The following CDK12 variants were observed in gnomAD, a reference collection of about 807,000 sequenced individuals.
CDK12 encodes cyclin dependent kinase 12.
Under a neutral mutation model 133.8 loss-of-function variants are expected in CDK12, and 17 were observed. The ratio of observed to expected loss-of-function variants is 0.13; its 90% CI spans 0.09 to 0.19. CDK12 has a LOEUF of 0.19. Ranked by LOEUF, CDK12 falls within the 10% of genes least tolerant of loss-of-function variation. The pLI, the probability that CDK12 is intolerant of heterozygous loss-of-function variation, is 1.00. For synonymous variants in CDK12, 694 were observed against 683.6 expected (o/e 1.02, Z -0.24); for missense variants, 1,508 against 1,818.7 (o/e 0.83, Z 3.11).
intron 6 of CDK12, among the ~76,000 whole-genome samples, chr17:39,508,279 C>G (rs2053260745): frequency 6.6e-6 from 1 of 151,908 alleles, no homozygotes; most frequent in Admixed American, 6.6e-5. Context: ...CACTTTTTTG[C>G]CTGATCTGAA....
intron 13 of CDK12, chr17:39,530,320 A>G (rs556655826): frequency 5.3e-4 from 181 of 341,054 alleles, no homozygotes; most frequent in African/African-American, 3.8e-3. Context: ...GCATGTTAGA[A>G]CAGTTCTTTA....
At chr17:39,470,475 C>T (rs1485257207) in intron 1 of CDK12, among the ~76,000 whole-genome samples, 3 of 152,044 alleles carry the variant, frequency 2.0e-5, no homozygotes, top group Non-Finnish European at 4.4e-5. Context: ...TTAAGATTTA[C>T]AGAAAAATTG....
chr17:39,487,599 A>C (rs2051232159), intron 2 of CDK12, among the ~76,000 whole-genome samples: 1 of 145,898 alleles, frequency 6.9e-6, no homozygotes, highest in Non-Finnish European at 1.5e-5. Context: ...GAGGATGTGC[A>C]TGACACAATT....
chr17:39,531,053 C>T lies in CDK12; in HGVS notation c.4210C>T (p.Arg1404Cys), dbSNP rs1172789499. 5 of 1,613,026 alleles carry T rather than the reference C, an allele frequency of 3.1e-6. No homozygotes were observed. The highest frequency in any genetic ancestry group is 4.2e-6 in the Non-Finnish European group (5 of 1,179,640). Reference sequence around the variant, plus strand: ...GCAGTTTCCAGGGGACCAGGACCTCCGTTTTGCCAGGGTCCCCTTAGCGTT... The same window carrying T: ...GCAGTTTCCAGGGGACCAGGACCTCTGTTTTGCCAGGGTCCCCTTAGCGTT... ...SVQFPGDQDL[R>C]FARVPLALHP... Residue 1404 changes from arginine to cysteine, a missense_variant, in exon 14 of 14, where the codon CGT (arginine) becomes TGT (cysteine). Arg to Cys is a radical substitution (Grantham distance 180, BLOSUM62 -3). Coordinates refer to ENST00000447079, the MANE Select transcript of CDK12 (RefSeq NM_016507.4).
intron 8 of CDK12, among the ~76,000 whole-genome samples, chr17:39,514,097 C>T (rs143207939): frequency 3.3e-5 from 5 of 152,072 alleles, no homozygotes; most frequent in African/African-American, 1.2e-4. Flanking sequence ...GATCTCACTA[C>T]GTTGCCCAGC....
At chr17:39,485,141 G>A (rs2051013589) in intron 2 of CDK12, among the ~76,000 whole-genome samples, 1 of 147,372 alleles carries the variant, frequency 6.8e-6, no homozygotes, top group African/African-American at 2.5e-5. Flanking sequence ...CTGCAGTCCA[G>A]CCTGGGCGAC....
In CDK12 at chr17:39,471,728, C is replaced by T. The variant is rs1023520750; in HGVS notation, c.1896C>T (p.Leu632=). Reference sequence around the variant, plus strand: ...CTTCAACGTTGCCTCCTTTGCCCCTCCCACCCTTATTACCTGGAGATGATG... The same window carrying T: ...CTTCAACGTTGCCTCCTTTGCCCCTTCCACCCTTATTACCTGGAGATGATG... ...LKTSTLPPLP[L]PPLLPGDDDM... is the part of the protein sequence containing the mutation. The change falls in exon 2 of 14, where the codon CTC becomes CTT. Residue 632 remains leucine, a synonymous_variant. Coordinates refer to ENST00000447079, the MANE Select transcript of CDK12 (RefSeq NM_016507.4). 1.3e-5 allele frequency: 21 copies of T among 1,613,720 alleles called. No individual in the cohort carries two copies. Among genetic ancestry groups the T allele is most frequent in the Non-Finnish European group, 1.7e-5 (20 of 1,179,802 alleles).
chr17:39,486,574 C>T (rs1430570015), intron 2 of CDK12, among the ~76,000 whole-genome samples: 1 of 152,056 alleles, frequency 6.6e-6, no homozygotes, highest in Non-Finnish European at 1.5e-5. Context: ...CCTGATTTTT[C>T]TTGTTCTTCT....
In CDK12 at chr17:39,463,079, C is replaced by A; in HGVS notation, c.1008C>A (p.Phe336Leu). ...GTCGAAGGCGGTCCAGCAGCCCTTT[C>A]CTGAGCAAGCGGTCTCTGAGTCGGA... ...PYGRRRSSSP[F>L]LSKRSLSRSP... The change falls in exon 1 of 14, where the codon TTC (phenylalanine) becomes TTA (leucine). Residue 336 changes from phenylalanine (F) to leucine (L), a missense_variant. Transcript: ENST00000447079. The A allele has an allele frequency of 1.2e-6, 2 of 1,614,190 alleles. No individual in the cohort carries two copies. Among genetic ancestry groups the A allele is most frequent in the Middle Eastern group, 1.6e-4 (1 of 6,062 alleles).
upstream of CDK12, among the ~76,000 whole-genome samples, chr17:39,547,468 G>T (rs1467137869): frequency 1.3e-5 from 2 of 152,098 alleles, no homozygotes; most frequent in East Asian, 3.9e-4. Flanking sequence ...GGTTTTATGT[G>T]TGCATTTGTT....
In CDK12 at chr17:39,531,998, T is replaced by A. The variant is rs1055593608; in HGVS notation, c.*682T>A. 3 of 233,734 alleles carry A rather than the reference T, an allele frequency of 1.3e-5. No homozygotes were observed. The highest frequency in any genetic ancestry group is 2.5e-5 in the Non-Finnish European group (3 of 118,076). 14.5% of individuals were successfully genotyped at this position (233,734 alleles called of 1,614,324 possible). A position where few individuals can be genotyped will look rare whatever the true frequency, so the allele number is the denominator to read the frequency against. On this transcript the variant is annotated 3_prime_UTR_variant, in exon 14 of 14. Transcript: ENST00000447079. Reference sequence around the variant, plus strand: ...CACTTTGACAAAAGATACGCCCTTCTCCCTGCACATAAAGCAGGTTGTAGA... The same window carrying A: ...CACTTTGACAAAAGATACGCCCTTCACCCTGCACATAAAGCAGGTTGTAGA...
intron 5 of CDK12, among the ~76,000 whole-genome samples, chr17:39,495,017 C>T (rs941353460): frequency 4.6e-5 from 7 of 152,104 alleles, no homozygotes; most frequent in Admixed American, 1.3e-4. Context: ...GTGATCCGCC[C>T]GCCTGGGCCT....
rs887590343 is a variant in CDK12 at position 39,487,607 on chromosome 17, A to ATT, written c.1932-2924_1932-2923dup. 5.1e-3 allele frequency among the ~76,000 whole-genome samples: 493 copies of ATT among 96,372 alleles called. 20 individuals carry two copies. Among genetic ancestry groups the ATT allele is most frequent in the Non-Finnish European group, 7.1e-3 (348 of 48,992 alleles). 63.2% of individuals were successfully genotyped at this position (96,372 alleles called of 152,430 possible). On this transcript the variant is annotated intron_variant, in intron 2 of 13. Transcript: ENST00000447079. ...TTTTTCTGAGGATGTGCATGACACA[A>ATT]TTTTTTTTTTTTTTTTTTTTTTTTT...
intron 2 of CDK12, among the ~76,000 whole-genome samples, chr17:39,473,116 A>G (rs987837748): frequency 6.6e-6 from 1 of 151,972 alleles, no homozygotes; most frequent in African/African-American, 2.4e-5. Flanking sequence ...TATTTAACCA[A>G]ATAGTCCCAG....
At chr17:39,513,143 T>C (rs981866687) in intron 8 of CDK12, among the ~76,000 whole-genome samples, 41 of 152,210 alleles carry the variant, frequency 2.7e-4, no homozygotes, top group African/African-American at 8.2e-4. Context: ...GAAAATGATA[T>C]TTAGAAACTA....
chr17:39,520,155 A>G (rs1320154330), intron 11 of CDK12, 68 bp downstream of exon 11: 5 of 1,560,314 alleles, frequency 3.2e-6, no homozygotes, highest in Non-Finnish European at 4.4e-6. Flanking sequence ...GAAACTCATA[A>G]AAGAACCACA....
Position 39,509,246 on chromosome 17 carries a change from A to G in CDK12, c.2610-459A>G, listed in dbSNP as rs1216340837. 2.0e-5 allele frequency among the ~76,000 whole-genome samples: 3 copies of G among 152,080 alleles called. No homozygotes were observed. The East Asian group carries it at 5.8e-4, about 29-fold the overall frequency. ...CCAGGCTGGAGTGCAGTGGCCTCCC[A>G]AAATTCTGGGACTACAGGTGTGAGC... is the stretch of plus-strand genomic sequence containing the variant. On this transcript the variant is annotated intron_variant, in intron 6 of 13. Coordinates refer to ENST00000447079, the MANE Select transcript of CDK12 (RefSeq NM_016507.4).
chr17:39,481,679 TC>T (rs2145570079), intron 2 of CDK12, among the ~76,000 whole-genome samples: 1 of 13,480 alleles, frequency 7.4e-5, no homozygotes, highest in Admixed American at 7.9e-4. Flanking sequence ...TCTCTCTCTC[TC>T]TCTCTCTCTC....
rs576409305 is a variant in CDK12, at chr17:39,503,701, A to T, written c.2609+2262A>T. The stretch of plus-strand genomic sequence containing the variant: ...CTCAGGTTGCTAAGCAGGATACAGG[A>T]ATCCTGTGGTCTAGCCTGATCCATC... On this transcript the variant is annotated intron_variant, in intron 6 of 13. Transcript: ENST00000447079. Among the ~76,000 whole-genome samples, 349 of 152,272 alleles carry T rather than the reference A, an allele frequency of 2.3e-3. 2 individuals carry two copies. Among genetic ancestry groups the T allele is most frequent in the African/African-American group, 7.9e-3 (330 of 41,554 alleles).
Sources: gnomAD v4.1 joint callset for allele counts (sites outside exome capture counted in the v4.1 genomes callset) on GRCh38, gnomAD v4.1.1 for gene constraint, MANE v1.5 for transcripts, NCBI Gene and HGNC (gene_info 2026-07-23, HGNC 2026-07-21) for gene names.